The following KCNIP1 variants were observed in gnomAD, a reference collection of about 807,000 sequenced individuals.
KCNIP1 encodes the protein potassium voltage-gated channel interacting protein 1.
KCNIP1 carries 18 observed loss-of-function variants against 33.0 expected under a neutral mutation model. The observed-to-expected ratio is 0.55, with a 90% CI of 0.38 to 0.81. KCNIP1 has a LOEUF of 0.81. KCNIP1 is among the 30% of genes least tolerant of loss of function. The probability of loss-of-function intolerance (pLI) is 0.00; values close to 1 mark genes in which losing one functional copy is unlikely to be tolerated. For missense variants in KCNIP1, 238 were observed against 271.6 expected (o/e 0.88, Z 0.87); for synonymous variants, 93 against 98.3 (o/e 0.95, Z 0.32).
chr5:170,609,664 G>C (rs954566108), intron 1 of KCNIP1, among the ~76,000 whole-genome samples: 2 of 151,824 alleles, frequency 1.3e-5, no homozygotes, highest in Non-Finnish European at 2.9e-5. Flanking sequence ...AACATAGCGA[G>C]ACCTCACTAA....
chr5:170,586,976 ATATAGGCAACAAGTTTT>A (rs1379803147), intron 1 of KCNIP1, among the ~76,000 whole-genome samples: 1 of 152,228 alleles, frequency 6.6e-6, no homozygotes, highest in African/African-American at 2.4e-5. Context: ...GAAGACAGAT[ATATAGGCAACAAGTTTT>A]TAATTGCAAG....
At chr5:170,366,247 G>A (rs1274384988) in intron 1 of KCNIP1, among the ~76,000 whole-genome samples, 1 of 152,174 alleles carries the variant, frequency 6.6e-6, no homozygotes, top group Admixed American at 6.5e-5. Flanking sequence ...TCCTACGGAT[G>A]AAAAAATAAG....
intron 1 of KCNIP1, among the ~76,000 whole-genome samples, chr5:170,403,283 G>A (rs913430921): frequency 6.6e-6 from 1 of 152,238 alleles, no homozygotes; most frequent in African/African-American, 2.4e-5. Flanking sequence ...AGTTTGACAT[G>A]TATGGGATTT....
chr5:170,573,637 AT>A (rs900905512), intron 1 of KCNIP1, among the ~76,000 whole-genome samples: 1 of 151,928 alleles, frequency 6.6e-6, no homozygotes, highest in African/African-American at 2.4e-5. Context: ...GTCTTAACCC[AT>A]TGAGAAAAAA....
intron 1 of KCNIP1, among the ~76,000 whole-genome samples, chr5:170,543,985 A>G (rs1050019190): frequency 4.6e-5 from 7 of 152,220 alleles, no homozygotes; most frequent in Non-Finnish European, 8.8e-5. Flanking sequence ...GGGAGGTAAA[A>G]CTTAAGCGTG....
At chr5:170,709,218 T>C (rs1157861453) in intron 1 of KCNIP1, among the ~76,000 whole-genome samples, 1 of 152,264 alleles carries the variant, frequency 6.6e-6, no homozygotes, top group Non-Finnish European at 1.5e-5. Context: ...TTTTTGTCTG[T>C]TTATCAGCTG....
At chr5:170,397,530 T>C (rs886993878) in intron 1 of KCNIP1, among the ~76,000 whole-genome samples, 1 of 152,170 alleles carries the variant, frequency 6.6e-6, no homozygotes, top group African/African-American at 2.4e-5. Flanking sequence ...TGTAGGGGTC[T>C]GAAAGGTATG....
intron 1 of KCNIP1, among the ~76,000 whole-genome samples, chr5:170,549,918 TAGAG>T (rs774097708): frequency 6.6e-6 from 1 of 152,244 alleles, no homozygotes; most frequent in Admixed American, 6.5e-5. Context: ...ATGTGGATTA[TAGAG>T]AAAGTAAGAT....
At chr5:170,626,421 GC>G (rs796668630) in intron 1 of KCNIP1, among the ~76,000 whole-genome samples, 6 of 152,250 alleles carry the variant, frequency 3.9e-5, no homozygotes, top group African/African-American at 1.4e-4. Flanking sequence ...AAGGCAGTCT[GC>G]CCCCCTCCCA....
chr5:170,410,220 T>C (rs926018811), intron 1 of KCNIP1, among the ~76,000 whole-genome samples: 17 of 152,218 alleles, frequency 1.1e-4, no homozygotes, highest in African/African-American at 4.1e-4. Flanking sequence ...ACTCAGGGGA[T>C]TGCAGACATA....
At chr5:170,601,816 C>T (rs1445111937) in intron 1 of KCNIP1, among the ~76,000 whole-genome samples, 1 of 152,140 alleles carries the variant, frequency 6.6e-6, no homozygotes, top group Non-Finnish European at 1.5e-5. Context: ...AAGGGACTGG[C>T]GGTGGCTGCT....
intron 1 of KCNIP1, among the ~76,000 whole-genome samples, chr5:170,475,471 G>A (rs181175789): frequency 7.2e-4 from 110 of 152,346 alleles, no homozygotes; most frequent in African/African-American, 2.6e-3. Context: ...GACCCACTGA[G>A]AGGTGACTCC....
chr5:170,603,627 T>C (rs1315324520), intron 1 of KCNIP1, among the ~76,000 whole-genome samples: 1 of 150,898 alleles, frequency 6.6e-6, no homozygotes, highest in Non-Finnish European at 1.5e-5. Flanking sequence ...GATGGGAGGG[T>C]AGGGACGCAG....
intron 1 of KCNIP1, among the ~76,000 whole-genome samples, chr5:170,558,508 G>A (rs1336596121): frequency 6.6e-6 from 1 of 152,190 alleles, no homozygotes; most frequent in African/African-American, 2.4e-5. Flanking sequence ...GATAAAGATC[G>A]AGGTGGAATG....
chr5:170,420,065 C>T (rs373374394), intron 1 of KCNIP1, among the ~76,000 whole-genome samples: 6 of 152,166 alleles, frequency 3.9e-5, no homozygotes, highest in African/African-American at 1.4e-4. Context: ...TGTAACATTA[C>T]ATTTTTTCAT....
intron 1 of KCNIP1, among the ~76,000 whole-genome samples, chr5:170,488,629 G>A (rs943197870): frequency 6.6e-6 from 1 of 152,208 alleles, no homozygotes; most frequent in Non-Finnish European, 1.5e-5. Flanking sequence ...TCAGAGCTCC[G>A]AGAAGCAAGC....
intron 1 of KCNIP1, among the ~76,000 whole-genome samples, chr5:170,585,852 C>A (rs1226541515): frequency 1.3e-5 from 2 of 152,224 alleles, no homozygotes; most frequent in African/African-American, 2.4e-5. Context: ...CCAGCCCTGG[C>A]CGTGCTTTAG....
chr5:170,492,416 C>T (rs137974291), intron 1 of KCNIP1, among the ~76,000 whole-genome samples: 7 of 152,342 alleles, frequency 4.6e-5, no homozygotes, highest in Non-Finnish European at 7.3e-5. Context: ...AGCACTTGGA[C>T]GCGTTCTCCA....
chr5:170,353,944 T>G, exon 1 of KCNIP1: 1 of 1,614,208 alleles, frequency 6.2e-7, no homozygotes, highest in East Asian at 2.2e-5. Flanking sequence ...TTTAAGCTCA[T>G]CACTGGGACC....
Sources: allele counts gnomAD v4.1 joint callset (sites outside exome capture counted in the v4.1 genomes callset), GRCh38; gene constraint gnomAD v4.1.1; transcripts MANE v1.5; gene names NCBI Gene and HGNC (gene_info 2026-07-23, HGNC 2026-07-21).